The following TFR2 variants were observed in gnomAD, a reference collection of about 807,000 sequenced individuals.
TFR2 encodes transferrin receptor protein 2.
A neutral mutation model predicts 91.9 loss-of-function variants in TFR2; 64 were observed. The ratio of observed to expected loss-of-function variants is 0.70; its 90% CI spans 0.57 to 0.86. TFR2 has a LOEUF of 0.86. TFR2 is among the 40% of genes least tolerant of loss of function. The probability of loss-of-function intolerance (pLI) is 0.00; values close to 1 mark genes in which losing one functional copy is unlikely to be tolerated. For missense variants in TFR2, 950 were observed against 1,080.5 expected, an observed-to-expected ratio of 0.88 and a Z score of 1.69; for synonymous variants, 454 against 459.6, an observed-to-expected ratio of 0.99 and a Z score of 0.15.
intron 10 of TFR2, among the ~76,000 whole-genome samples, chr7:100,628,789 AGG>A (rs371470105): frequency 2.6e-4 from 39 of 151,828 alleles, no homozygotes; most frequent in African/African-American, 9.2e-4. Flanking sequence ...TTTTTTTAGA[AGG>A]AGGCTCATTC....
chr7:100,634,247 G>C (rs1803531992), intron 3 of TFR2, among the ~76,000 whole-genome samples: 1 of 148,496 alleles, frequency 6.7e-6, no homozygotes, highest in South Asian at 2.1e-4. Context: ...CTTCGAAAGA[G>C]CTAACTGGGC....
At position 100,628,067 on chromosome 7, in the gene TFR2, G is replaced by C; in HGVS notation, c.1537+6C>G. 2 of 1,614,124 alleles carry C rather than the reference G, an allele frequency of 1.2e-6. No homozygotes were observed. The highest frequency in any genetic ancestry group is 1.7e-6 in the Non-Finnish European group (2 of 1,180,002). The stretch of plus-strand genomic sequence containing the variant: ...GGGGCCAGGTGGTGGCACTGCCCCA[G>C]CTCACCCAGCACTGCGTTGTCCAGG... On this transcript the variant is annotated splice_donor_region_variant and intron_variant, in intron 12 of 17. Coordinates refer to ENST00000223051, the MANE Select transcript of TFR2 (RefSeq NM_003227.4).
At chr7:100,637,034 G>C (rs1803584321) in intron 3 of TFR2, among the ~76,000 whole-genome samples, 1 of 150,906 alleles carries the variant, frequency 6.6e-6, no homozygotes, top group African/African-American at 2.5e-5. Context: ...GGGAGGCCAA[G>C]GTAGGAGGAT....
chr7:100,631,023 T>G lies in TFR2; in HGVS notation c.1136A>C (p.Glu379Ala), dbSNP rs1297996865. Residue 379 changes from glutamate (E) to alanine (A), a missense_variant, in exon 9 of 18, where the codon GAA becomes GCA. Coordinates refer to ENST00000223051, the MANE Select transcript of TFR2 (RefSeq NM_003227.4). ...RKLKGPVAPQ[E>A]WQGSLLGSPY... ...GGAGCCTAGGAGGCTCCCCTGCCAT[T>G]CTTGGGGGGCCACAGGGCCTTTGAG... 1 of 1,596,720 alleles carries G rather than the reference T, an allele frequency of 6.3e-7. No homozygotes were observed. Among genetic ancestry groups the G allele is most frequent in the East Asian group, 2.2e-5 (1 of 44,736 alleles).
intron 8 of TFR2, 122 bp downstream of exon 8, chr7:100,631,684 T>A: frequency 1.4e-6 from 2 of 1,388,406 alleles, no homozygotes; most frequent in East Asian, 4.7e-5. Context: ...GGTGTAGTCA[T>A]GGCTCACTGC....
chr7:100,628,047 C>G (rs1300825365), intron 12 of TFR2, 26 bp downstream of exon 12: 2 of 1,614,126 alleles, frequency 1.2e-6, no homozygotes, highest in Admixed American at 1.7e-5. Flanking sequence ...CCCAGGGGGC[C>G]AGGTGGTGGC....
At position 100,626,792 on chromosome 7, in the gene TFR2, T is replaced by A. The variant is rs1562837539; in HGVS notation, c.2107A>T (p.Thr703Ser). The change falls in exon 17 of 18, where the codon ACA becomes TCA. Residue 703 changes from threonine (T) to serine (S), a missense_variant. Transcript: ENST00000223051. The part of the protein sequence containing the change: ...YSSEERDERL[T>S]RMYNVRIMRV... ...ATTATGCGCACGTTGTACATGCGTG[T>A]CAGTCGCTCGTCTCTCTCCTCCGAG... The A allele has an allele frequency of 1.3e-6, 2 of 1,547,966 alleles. No homozygotes were observed. The highest frequency in any genetic ancestry group is 1.2e-5 in the South Asian group (1 of 84,034).
At position 100,632,097 on chromosome 7, in the gene TFR2, C is replaced by T. The variant is rs371045856; in HGVS notation, c.951G>A (p.Gln317=). 3 of 1,614,206 alleles carry T rather than the reference C, an allele frequency of 1.9e-6. No homozygotes were observed. In the African/African-American group the frequency reaches 4.0e-5, roughly 22 times the overall value. ...CCAGACTCACATGTCCATACACTGC[C>T]TGCTGGCTGGACAGGCTTGGCTTGG... The part of the protein sequence containing the change: ...DPPKPSLSSQ[Q]AVYGHVHLGT... Residue 317 remains glutamine (Q), a synonymous_variant, in exon 7 of 18, where the codon CAG becomes CAA. Transcript: ENST00000223051.
intron 3 of TFR2, among the ~76,000 whole-genome samples, chr7:100,637,203 C>T (rs1225071265): frequency 6.6e-6 from 1 of 152,006 alleles, no homozygotes; most frequent in Non-Finnish European, 1.5e-5. Flanking sequence ...AGTTCGAGAC[C>T]AGACTGACCA....
At chr7:100,622,476 T>C (rs1055991506) in intron 17 of TFR2, among the ~76,000 whole-genome samples, 5 of 152,190 alleles carry the variant, frequency 3.3e-5, no homozygotes, top group African/African-American at 1.2e-4. Flanking sequence ...GGAGTGAGCA[T>C]GGGGTGAGCA....
chr7:100,621,394 C>T (rs1269677801), intron 17 of TFR2, among the ~76,000 whole-genome samples: 6 of 152,160 alleles, frequency 3.9e-5, no homozygotes, highest in South Asian at 2.1e-4. Flanking sequence ...GCTGGGATTA[C>T]AGGCACCCGC....
At chr7:100,622,035 C>T (rs538174258) in intron 17 of TFR2, among the ~76,000 whole-genome samples, 1 of 152,130 alleles carries the variant, frequency 6.6e-6, no homozygotes, top group Non-Finnish European at 1.5e-5. Flanking sequence ...ATGCTCACAT[C>T]TTTTATTTTT....
intron 9 of TFR2, among the ~76,000 whole-genome samples, chr7:100,630,235 T>TTC (rs1438622518): frequency 5.3e-5 from 7 of 132,294 alleles, no homozygotes; most frequent in East Asian, 2.2e-4. Context: ...TTCCTTCCTT[T>TTC]CTCTCTCTCT....
Position 100,633,296 on chromosome 7 carries a change from A to T in TFR2, c.659T>A (p.Val220Asp). The change falls in exon 5 of 18, where the codon GTC becomes GAC. Residue 220 changes from valine (V) to aspartate (D), a missense_variant. By Grantham distance (152) the Val-to-Asp change is radical. Coordinates refer to ENST00000223051, the MANE Select transcript of TFR2 (RefSeq NM_003227.4). ...TLHWVDEAGK[V>D]GEQLPLEDPD... ...GTCCTCCAGCGGCAGCTGCTCTCCG[A>T]CCTTCCCGGCCTCATCGACCCAGTG... 6.2e-7 allele frequency: 1 copy of T among 1,613,322 alleles called. No individual in the cohort carries two copies. The highest frequency in any genetic ancestry group is 8.5e-7 in the Non-Finnish European group (1 of 1,179,782).
chr7:100,632,401 G>A (rs908483746), intron 6 of TFR2, among the ~76,000 whole-genome samples: 2 of 151,944 alleles, frequency 1.3e-5, no homozygotes, highest in African/African-American at 4.8e-5. Flanking sequence ...GGTACCCCAT[G>A]TTTCTGTTCC....
Position 100,620,793 on chromosome 7 carries a change from T to A in TFR2, c.*64A>T. The A allele has an allele frequency of 1.2e-6, 2 of 1,605,108 alleles. No individual in the cohort carries two copies. Among genetic ancestry groups the A allele is most frequent in the Non-Finnish European group, 1.7e-6 (2 of 1,173,218 alleles). On this transcript the variant is annotated 3_prime_UTR_variant, in exon 18 of 18. Coordinates refer to ENST00000223051, the MANE Select transcript of TFR2 (RefSeq NM_003227.4). Reference sequence around the variant, plus strand: ...TCTGAGCCACCTCCCTGACCCTGAATCATTCAAGCGAGGAGCAGAGGAGCT... The same window carrying A: ...TCTGAGCCACCTCCCTGACCCTGAAACATTCAAGCGAGGAGCAGAGGAGCT...
chr7:100,638,972 C>T (rs963513076), intron 3 of TFR2, among the ~76,000 whole-genome samples: 35 of 151,980 alleles, frequency 2.3e-4, no homozygotes, highest in African/African-American at 7.3e-4. Flanking sequence ...CAGGTGAATC[C>T]AGCAACATAT....
At chr7:100,633,192 CCG>C (rs969620250) in intron 5 of TFR2, 35 bp downstream of exon 5, 13 of 1,613,260 alleles carry the variant, frequency 8.1e-6, no homozygotes, top group Non-Finnish European at 1.1e-5. Context: ...AGGGCTCGTG[CCG>C]CGCCCCATCC....
At position 100,633,192 on chromosome 7, in the gene TFR2, C is replaced by T. The variant is rs1562842088; in HGVS notation, c.726+37G>A. ...TTCGAGACCCAGGAAAGGGCTCGTGCCGCGCCCCATCCTAGGAGCGGGCAG... is the reference window on the plus strand; with the variant it reads ...TTCGAGACCCAGGAAAGGGCTCGTGTCGCGCCCCATCCTAGGAGCGGGCAG... On this transcript the variant is annotated intron_variant, in intron 5 of 17. Coordinates refer to ENST00000223051, the MANE Select transcript of TFR2 (RefSeq NM_003227.4). The T allele has an allele frequency of 4.3e-6, 7 of 1,613,258 alleles. No homozygotes were observed. The Admixed American group carries it at 5.0e-5, about 12-fold the overall frequency.
Sources: gnomAD v4.1 joint callset for allele counts (sites outside exome capture counted in the v4.1 genomes callset) on GRCh38, gnomAD v4.1.1 for gene constraint, MANE v1.5 for transcripts, NCBI Gene and HGNC (gene_info 2026-07-23, HGNC 2026-07-21) for gene names.